The following NUP98 variants were observed in gnomAD, a reference collection of about 807,000 sequenced individuals.
NUP98 encodes nuclear pore complex protein Nup98-Nup96.
In NUP98, 26 loss-of-function variants were observed where a neutral mutation model predicts 191.9. The ratio of observed to expected loss-of-function variants is 0.14; its 90% CI spans 0.10 to 0.19. The LOEUF (loss-of-function observed/expected upper bound fraction) is 0.19. Ranked by LOEUF, NUP98 falls within the 10% of genes least tolerant of loss-of-function variation. NUP98 has a pLI of 1.00. For missense variants in NUP98, 1,941 were observed against 2,178.8 expected, an observed-to-expected ratio of 0.89 and a Z score of 2.17; for synonymous variants, 808 against 778.4, an observed-to-expected ratio of 1.04 and a Z score of -0.63.
At chr11:3,753,466 A>G (rs759009692) in intron 10 of NUP98, 58 bp from the exon 11 acceptor site, 131 of 1,358,852 alleles carry the variant, frequency 9.6e-5, no homozygotes, top group Non-Finnish European at 1.3e-4. Flanking sequence ...AATTTCCTCT[A>G]TAAGGGAGTT....
At chr11:3,772,877 C>G (rs952985773) in intron 6 of NUP98, among the ~76,000 whole-genome samples, 1 of 151,548 alleles carries the variant, frequency 6.6e-6, no homozygotes, top group Non-Finnish European at 1.5e-5. Context: ...ACTAGGGAGG[C>G]TGAGGCACGA....
chr11:3,676,232 T>C lies in NUP98; in HGVS notation c.5330A>G (p.Glu1777Gly), dbSNP rs2077805542. Residue 1777 changes from glutamate to glycine, a missense_variant, in exon 33 of 33, where the codon GAG (glutamate) becomes GGG (glycine). Glu to Gly is a moderately conservative substitution (Grantham distance 98). Coordinates refer to ENST00000324932, the MANE Select transcript of NUP98 (RefSeq NM_016320.5). The stretch of plus-strand genomic sequence containing the variant: ...GCGCAGTTCGTCCATGGCATAGTCC[T>C]CAGGCATGGGAAGCCGGCCAATGTG... ...APHIGRLPMP[E>G]DYAMDELRSL... 6.2e-7 allele frequency: 1 copy of C among 1,614,076 alleles called. No homozygotes were observed. Among genetic ancestry groups the C allele is most frequent in the Admixed American group, 1.7e-5 (1 of 60,014 alleles).
intron 25 of NUP98, 136 bp from the exon 26 acceptor site, chr11:3,695,742 G>T: frequency 1.7e-6 from 1 of 599,868 alleles, no homozygotes; most frequent in Non-Finnish European, 2.6e-6. Flanking sequence ...CTGCAGTAGT[G>T]CCAAAATATT....
At chr11:3,685,907 C>T in intron 29 of NUP98, 66 bp downstream of exon 29, 3 of 1,268,698 alleles carry the variant, frequency 2.4e-6, no homozygotes, top group Non-Finnish European at 3.5e-6. Context: ...CCCTGAAAGA[C>T]TGATTCCTTT....
At chr11:3,753,530 C>G (rs2080842889) in intron 10 of NUP98, 122 bp from the exon 11 acceptor site, 1 of 675,936 alleles carries the variant, frequency 1.5e-6, no homozygotes. Flanking sequence ...ATATTTAGGA[C>G]TCCTAACTTG....
At chr11:3,770,956 A>T (rs2081511571) in intron 7 of NUP98, among the ~76,000 whole-genome samples, 1 of 152,074 alleles carries the variant, frequency 6.6e-6, no homozygotes, top group South Asian at 2.1e-4. Flanking sequence ...TCTGCCTCCC[A>T]GGTTCAAGCG....
At chr11:3,711,856 A>G in intron 20 of NUP98, 1 of 1,033,744 alleles carries the variant, frequency 9.7e-7, no homozygotes, top group Non-Finnish European at 1.2e-6. Flanking sequence ...AGATTATTTA[A>G]TAAATCATAA....
chr11:3,788,276 T>C (rs1303669999), intron 1 of NUP98, among the ~76,000 whole-genome samples: 1 of 152,084 alleles, frequency 6.6e-6, no homozygotes, highest in Non-Finnish European at 1.5e-5. Context: ...GAGTGAAGAG[T>C]ATATTAGCTT....
At chr11:3,699,386 G>A in intron 24 of NUP98, 38 bp from the exon 25 acceptor site, 3 of 1,604,632 alleles carry the variant, frequency 1.9e-6, no homozygotes, top group South Asian at 2.2e-5. Flanking sequence ...ACGAGACAAA[G>A]TCTTACAACA....
chr11:3,790,182 T>C (rs1433993592), intron 1 of NUP98, among the ~76,000 whole-genome samples: 3 of 152,214 alleles, frequency 2.0e-5, no homozygotes. Context: ...CTGTAACATT[T>C]ACTGAGGATG....
At chr11:3,777,600 A>AC (rs2081782245) in intron 4 of NUP98, among the ~76,000 whole-genome samples, 1 of 148,414 alleles carries the variant, frequency 6.7e-6, no homozygotes, top group Admixed American at 6.7e-5. Context: ...CAGCCCGGGT[A>AC]ACAGATCAAG....
intron 6 of NUP98, among the ~76,000 whole-genome samples, chr11:3,773,170 G>A (rs938890677): frequency 1.1e-4 from 17 of 152,184 alleles, no homozygotes; most frequent in Non-Finnish European, 2.1e-4. Context: ...GGGAGGCTGA[G>A]GAAGAAAAAT....
In NUP98 at chr11:3,766,380, T is replaced by A. The variant is rs192579251; in HGVS notation, c.948+2201A>T. The stretch of plus-strand genomic sequence containing the variant: ...TGCAGCGAGGCCTGTCTCAAAAAAA[T>A]TAATAAAATAAAATTGAGAAACATG... On this transcript the variant is annotated intron_variant, in intron 8 of 32. Coordinates refer to ENST00000324932, the MANE Select transcript of NUP98 (RefSeq NM_016320.5). Among the ~76,000 whole-genome samples, 206 of 146,268 alleles carry A rather than the reference T, an allele frequency of 1.4e-3. 1 individual carries two copies. Among genetic ancestry groups the A allele is most frequent in the African/African-American group, 5.0e-3 (196 of 39,432 alleles).
chr11:3,739,021 G>A (rs1019009050), intron 12 of NUP98, among the ~76,000 whole-genome samples: 4 of 152,002 alleles, frequency 2.6e-5, no homozygotes, highest in South Asian at 2.1e-4. Context: ...CTAAGATTCC[G>A]TGGTATAAAG....
chr11:3,714,414 A>G (rs1005109638), intron 18 of NUP98, among the ~76,000 whole-genome samples: 4 of 152,330 alleles, frequency 2.6e-5, no homozygotes, highest in African/African-American at 9.6e-5. Flanking sequence ...ATGAAGTATC[A>G]GGAATATCGG....
Position 3,693,175 on chromosome 11 carries a change from T to G in NUP98, c.4311+57A>C, listed in dbSNP as rs150804368. On this transcript the variant is annotated intron_variant, in intron 27 of 32. Transcript: ENST00000324932. ...TCAGATTTCCTGGCTCCGCTTCAATTTGACAATACTTTAACACCCAGCAAG... is the reference window on the plus strand; with the variant it reads ...TCAGATTTCCTGGCTCCGCTTCAATGTGACAATACTTTAACACCCAGCAAG... The G allele has an allele frequency of 6.5e-5, 103 of 1,578,730 alleles. 1 individual carries two copies. Among genetic ancestry groups the G allele is most frequent in the Non-Finnish European group, 8.1e-5 (93 of 1,152,542 alleles).
At chr11:3,773,092 A>T (rs1171655041) in intron 6 of NUP98, among the ~76,000 whole-genome samples, 3 of 152,206 alleles carry the variant, frequency 2.0e-5, no homozygotes, top group African/African-American at 7.2e-5. Context: ...GTGTAACAGA[A>T]GCAACATCCA....
At chr11:3,790,319 C>T (rs1294473105) in intron 1 of NUP98, among the ~76,000 whole-genome samples, 1 of 152,138 alleles carries the variant, frequency 6.6e-6, no homozygotes, top group Non-Finnish European at 1.5e-5. Flanking sequence ...GCAGAAGCTG[C>T]TCTGGCTGAA....
intron 20 of NUP98, chr11:3,711,980 C>T: frequency 9.6e-7 from 1 of 1,045,886 alleles, no homozygotes; most frequent in Non-Finnish European, 1.2e-6. Flanking sequence ...ATCAATGATA[C>T]AAGTAATTGC....
Sources: allele counts gnomAD v4.1 joint callset (sites outside exome capture counted in the v4.1 genomes callset), GRCh38; gene constraint gnomAD v4.1.1; transcripts MANE v1.5; gene names NCBI Gene and HGNC (gene_info 2026-07-23, HGNC 2026-07-21).